The following XRRA1 variants were observed in gnomAD, a reference collection of about 807,000 sequenced individuals.
XRRA1 encodes X-ray radiation resistance associated 1.
Under a neutral mutation model 80.2 loss-of-function variants are expected in XRRA1, and 69 were observed. That is an observed-to-expected ratio of 0.86 (90% CI 0.71 to 1.05). The LOEUF is 1.05. Ranked by LOEUF, XRRA1 falls within the 50% of genes least tolerant of loss-of-function variation. The pLI is 0.00. For synonymous variants in XRRA1, 348 were observed against 389.9 expected (o/e 0.89, Z 1.27); for missense variants, 967 against 976.4 (o/e 0.99, Z 0.13).
At position 74,848,186 on chromosome 11, in the gene XRRA1, T is replaced by G; in HGVS notation, c.1657A>C (p.Thr553Pro). 1 of 1,613,770 alleles carries G rather than the reference T, an allele frequency of 6.2e-7. No individual in the cohort carries two copies. Among genetic ancestry groups the G allele is most frequent in the Non-Finnish European group, 8.5e-7 (1 of 1,179,876 alleles). ...GGGCGCTCTGGGCTGAGGCGGACAGTTGTGTCACTCAGGTGGGACAGGGTC... is the reference window on the plus strand; with the variant it reads ...GGGCGCTCTGGGCTGAGGCGGACAGGTGTGTCACTCAGGTGGGACAGGGTC... The part of the protein sequence containing the change: ...EETLSHLSDT[T>P]VRLSPERPSD... The change falls in exon 15 of 19, where the codon ACT becomes CCT. Residue 553 changes from threonine (T) to proline (P), a missense_variant. Physicochemically the swap from Thr to Pro is conservative, Grantham distance 38 (BLOSUM62 -1). Transcript: ENST00000684022.
chr11:74,906,523 ACTTTAGGG>A, intron 9 of XRRA1, 67 bp from the exon 10 acceptor site: 1 of 1,533,264 alleles, frequency 6.5e-7, no homozygotes, highest in Admixed American at 2.0e-5. Context: ...TTACCAAGCA[ACTTTAGGG>A]AAAAAACATG....
At position 74,880,427 on chromosome 11, in the gene XRRA1, A is replaced by G. The variant is rs369294395; in HGVS notation, c.1004-17406T>C. Among the ~76,000 whole-genome samples the G allele has an allele frequency of 1.0e-4, 15 of 150,366 alleles. No individual in the cohort carries two copies. In the East Asian group the frequency reaches 1.6e-3, roughly 16 times the overall value. ...CAAAAAACCAGCTCCTGGATTCATTAATTTTTTGAAGGGTTTTTTGTGTCT... is the reference window on the plus strand; with the variant it reads ...CAAAAAACCAGCTCCTGGATTCATTGATTTTTTGAAGGGTTTTTTGTGTCT... On this transcript the variant is annotated intron_variant, in intron 10 of 18. Coordinates refer to ENST00000684022, the MANE Select transcript of XRRA1 (RefSeq NM_001378157.1).
chr11:74,859,327 A>C, intron 11 of XRRA1, 44 bp from the exon 12 acceptor site: 1 of 1,567,208 alleles, frequency 6.4e-7, no homozygotes. Flanking sequence ...CCGATAATAA[A>C]TAAGGCCACT....
chr11:74,885,420 T>TA (rs1458365825), intron 10 of XRRA1, among the ~76,000 whole-genome samples: 3 of 151,918 alleles, frequency 2.0e-5, no homozygotes, highest in African/African-American at 7.2e-5. Context: ...CCCACAGAAT[T>TA]ACAAAAAACA....
chr11:74,936,862 T>G (rs1434952024), intron 4 of XRRA1, 22 bp downstream of exon 4: 18 of 1,608,792 alleles, frequency 1.1e-5, no homozygotes, highest in Non-Finnish European at 1.4e-5. Context: ...TGCTGGCCAC[T>G]CCAGGATGCA....
chr11:74,881,268 G>A (rs1191836778), intron 10 of XRRA1, among the ~76,000 whole-genome samples: 6 of 151,558 alleles, frequency 4.0e-5, no homozygotes, highest in East Asian at 3.9e-4. Context: ...TGTTTTATCC[G>A]AGACTAGGAT....
intron 10 of XRRA1, among the ~76,000 whole-genome samples, chr11:74,883,384 C>T (rs1307393043): frequency 2.0e-5 from 3 of 152,102 alleles, no homozygotes; most frequent in Non-Finnish European, 2.9e-5. Context: ...ACACGGTGTG[C>T]GCACCCACTG....
At chr11:74,854,261 ACTGTT>A (rs1262125012) in intron 12 of XRRA1, among the ~76,000 whole-genome samples, 2 of 152,112 alleles carry the variant, frequency 1.3e-5, no homozygotes, top group Non-Finnish European at 1.5e-5. Context: ...TTTTTGAGTC[ACTGTT>A]CATGGGCCAG....
intron 12 of XRRA1, among the ~76,000 whole-genome samples, chr11:74,856,925 C>G (rs763357869): frequency 1.2e-4 from 18 of 152,076 alleles, no homozygotes; most frequent in Non-Finnish European, 2.4e-4. Context: ...AGGAAACCAA[C>G]CTGGGCCTAG....
chr11:74,865,238 A>G (rs1781923844), intron 10 of XRRA1, among the ~76,000 whole-genome samples: 1 of 152,166 alleles, frequency 6.6e-6, no homozygotes, highest in South Asian at 2.1e-4. Context: ...TGCCCCTCTG[A>G]GCCAATGAGA....
chr11:74,842,910 T>C lies in XRRA1; in HGVS notation c.*290A>G. 2.5e-6 allele frequency: 1 copy of C among 397,966 alleles called. No individual in the cohort carries two copies. The highest frequency in any genetic ancestry group is 4.5e-6 in the Non-Finnish European group (1 of 222,418). 24.7% of individuals were successfully genotyped at this position (397,966 alleles called of 1,614,324 possible). On this transcript the variant is annotated 3_prime_UTR_variant, in exon 19 of 19. Coordinates refer to ENST00000684022, the MANE Select transcript of XRRA1 (RefSeq NM_001378157.1). ...CTGGAAAACCATTTTTAGAGGGAAG[T>C]GTGACAATGCTGCTGTGGCCTGGGT...
chr11:74,874,971 G>C (rs999544054), intron 10 of XRRA1, among the ~76,000 whole-genome samples: 2 of 152,178 alleles, frequency 1.3e-5, no homozygotes, highest in South Asian at 4.1e-4. Flanking sequence ...TCAACTAGCT[G>C]AACTGATAGC....
chr11:74,843,614 T>G, intron 18 of XRRA1, 161 bp from the exon 19 acceptor site: 1 of 993,990 alleles, frequency 1.0e-6, no homozygotes, highest in Non-Finnish European at 1.5e-6. Flanking sequence ...GTCACTGACT[T>G]CCTACTGCCC....
At position 74,841,293 on chromosome 11, in the gene XRRA1, TG is replaced by T. The variant is rs1219214494; in HGVS notation, c.*1906del. ...GAATTCTCAAAAGAGAAAGCAGGTC[TG>T]GGGCGGGGTGGTCAGGAGACAGATT... On this transcript the variant is annotated 3_prime_UTR_variant, in exon 19 of 19. Transcript: ENST00000684022. 1 of 152,138 alleles carries T rather than the reference TG, an allele frequency of 6.6e-6. No homozygotes were observed. The highest frequency in any genetic ancestry group is 1.5e-5 in the Non-Finnish European group (1 of 68,020). 9.4% of individuals were successfully genotyped at this position (152,138 alleles called of 1,614,324 possible).
chr11:74,906,266 G>C lies in XRRA1; in HGVS notation c.976C>G (p.Pro326Ala). Residue 326 changes from proline to alanine, a missense_variant, in exon 10 of 19, where the codon CCC becomes GCC. By Grantham distance (27) the Pro-to-Ala change is conservative (BLOSUM62 -1). Coordinates refer to ENST00000684022, the MANE Select transcript of XRRA1 (RefSeq NM_001378157.1). ...SDEQLDYTVL[P>A]MKKDVDRTEV... ...GTCCGGTCAACATCCTTTTTCATGG[G>C]CAGTACAGTATAATCCAGTTGCTCA... 6.2e-7 allele frequency: 1 copy of C among 1,613,884 alleles called. No homozygotes were observed. Among genetic ancestry groups the C allele is most frequent in the African/African-American group, 1.3e-5 (1 of 75,026 alleles).
At chr11:74,846,424 G>A (rs2038179443) in intron 15 of XRRA1, among the ~76,000 whole-genome samples, 1 of 152,072 alleles carries the variant, frequency 6.6e-6, no homozygotes, top group Non-Finnish European at 1.5e-5. Context: ...AATTAAAAGA[G>A]GCTTATTCTC....
At position 74,868,893 on chromosome 11, in the gene XRRA1, G is replaced by A. The variant is rs541889587; in HGVS notation, c.1004-5872C>T. On this transcript the variant is annotated intron_variant, in intron 10 of 18. Coordinates refer to ENST00000684022, the MANE Select transcript of XRRA1 (RefSeq NM_001378157.1). ...TATAAAGAGACTTGGATAAACATAC[G>A]ATAATTGTGCAGGACATGAATACCC... 1.5e-4 allele frequency among the ~76,000 whole-genome samples: 23 copies of A among 152,092 alleles called. No homozygotes were observed. The South Asian group carries it at 3.1e-3, about 21-fold the overall frequency.
At chr11:74,919,176 G>T (rs1241383576) in intron 8 of XRRA1, among the ~76,000 whole-genome samples, 3 of 152,126 alleles carry the variant, frequency 2.0e-5, no homozygotes. Flanking sequence ...ATTTTTAAGA[G>T]TGCTTACCTT....
chr11:74,921,222 G>A lies in XRRA1; in HGVS notation c.648C>T (p.Val216=), dbSNP rs964791807. 11 of 1,613,744 alleles carry A rather than the reference G, an allele frequency of 6.8e-6. No individual in the cohort carries two copies. The highest frequency in any genetic ancestry group is 1.7e-4 in the Middle Eastern group (1 of 6,060). ...CAGGAGGTAGAACTTACTGTTCTGCGACGGCCAAATTGGGCGGCAGGGAGG... is the reference window on the plus strand; with the variant it reads ...CAGGAGGTAGAACTTACTGTTCTGCAACGGCCAAATTGGGCGGCAGGGAGG... ...GLTSLPPNLA[V]AEQEASVTSL... is the part of the protein sequence containing the mutation. The change falls in exon 8 of 19, where the codon GTC becomes GTT. Residue 216 remains valine (V), a synonymous_variant. Transcript: ENST00000684022.
Sources: gnomAD v4.1 joint callset for allele counts (sites outside exome capture counted in the v4.1 genomes callset) on GRCh38, gnomAD v4.1.1 for gene constraint, MANE v1.5 for transcripts, NCBI Gene and HGNC (gene_info 2026-07-23, HGNC 2026-07-21) for gene names.